Variants in GRIP1 observed in about 807,000 individuals in gnomAD.
GRIP1 encodes glutamate receptor-interacting protein 1.
GRIP1 carries 45 observed loss-of-function variants against 129.9 expected under a neutral mutation model. The ratio of observed to expected loss-of-function variants is 0.35; its 90% CI spans 0.27 to 0.44. GRIP1 has a LOEUF of 0.44. Ranked by LOEUF, GRIP1 falls within the 20% of genes least tolerant of loss-of-function variation. The pLI, the probability that GRIP1 is intolerant of heterozygous loss-of-function variation, is 1.00. For synonymous variants in GRIP1, 530 were observed against 520.8 expected, an observed-to-expected ratio of 1.02 and a Z score of -0.24; for missense variants, 1,196 against 1,396.8, an observed-to-expected ratio of 0.86 and a Z score of 2.29.
chr12:66,880,711 C>T (rs2040463315), intron 1 of GRIP1, among the ~76,000 whole-genome samples: 1 of 152,096 alleles, frequency 6.6e-6, no homozygotes, highest in Admixed American at 6.6e-5. Context: ...ATAGTGGGAA[C>T]ATGACATGAT....
intron 11 of GRIP1, among the ~76,000 whole-genome samples, chr12:66,451,003 C>T (rs575535852): frequency 2.0e-5 from 3 of 152,248 alleles, no homozygotes; most frequent in East Asian, 1.9e-4. Context: ...GGTATTCAGT[C>T]GTCATTGCTG....
intron 1 of GRIP1, among the ~76,000 whole-genome samples, chr12:66,971,835 C>T (rs115167469): frequency 6.5e-4 from 99 of 152,252 alleles, no homozygotes; most frequent in African/African-American, 2.2e-3. Context: ...AGAAATGTCA[C>T]TTTGATAAAG....
chr12:66,679,221 G>A (rs1323926454), upstream of GRIP1: 1 of 1,006,958 alleles, frequency 9.9e-7, no homozygotes, highest in Non-Finnish European at 1.3e-6. Context: ...CACTGTGTGA[G>A]GAGCCATTCC....
intron 1 of GRIP1, among the ~76,000 whole-genome samples, chr12:67,021,066 C>A (rs2042860208): frequency 6.6e-6 from 1 of 151,950 alleles, no homozygotes; most frequent in African/African-American, 2.4e-5. Flanking sequence ...CCACTGCACT[C>A]CAGTCTGGAT....
At chr12:66,873,100 G>A (rs1377603875) in intron 1 of GRIP1, among the ~76,000 whole-genome samples, 1 of 151,958 alleles carries the variant, frequency 6.6e-6, no homozygotes, top group Non-Finnish European at 1.5e-5. Flanking sequence ...ACAATATGGT[G>A]GCCTCAAGGC....
At chr12:66,955,163 C>T (rs548448595) in intron 1 of GRIP1, among the ~76,000 whole-genome samples, 1 of 152,172 alleles carries the variant, frequency 6.6e-6, no homozygotes, top group East Asian at 1.9e-4. Flanking sequence ...TATTGTTTCA[C>T]CTATGAGGAT....
chr12:66,620,499 T>G (rs897533941), intron 1 of GRIP1, among the ~76,000 whole-genome samples: 2 of 152,100 alleles, frequency 1.3e-5, no homozygotes, highest in African/African-American at 4.8e-5. Context: ...CACTCTCACC[T>G]TCTGGACATT....
At chr12:67,016,947 T>C (rs1220014523) in intron 1 of GRIP1, among the ~76,000 whole-genome samples, 1 of 152,180 alleles carries the variant, frequency 6.6e-6, no homozygotes, top group Admixed American at 6.6e-5. Context: ...AGTGGAGCTA[T>C]TCAATTCTAT....
chr12:66,677,210 CTCCTT>C (rs1344647596), intron 1 of GRIP1, among the ~76,000 whole-genome samples: 1 of 152,158 alleles, frequency 6.6e-6, no homozygotes, highest in African/African-American at 2.4e-5. Flanking sequence ...ACACTTAAAT[CTCCTT>C]TCAATGCAGG....
At chr12:66,818,360 C>A (rs1447640630) in intron 1 of GRIP1, among the ~76,000 whole-genome samples, 3 of 152,176 alleles carry the variant, frequency 2.0e-5, no homozygotes, top group Non-Finnish European at 4.4e-5. Flanking sequence ...CCAATTTTCA[C>A]TTAAAAGCTT....
chr12:66,666,105 CTTATA>C (rs944251054), intron 1 of GRIP1, among the ~76,000 whole-genome samples: 3 of 152,204 alleles, frequency 2.0e-5, no homozygotes, highest in African/African-American at 7.2e-5. Context: ...ACTGTAAAAA[CTTATA>C]TTAATAACAT....
chr12:67,056,505 C>T (rs1249096982), intron 1 of GRIP1, among the ~76,000 whole-genome samples: 5 of 137,672 alleles, frequency 3.6e-5, no homozygotes, highest in African/African-American at 1.2e-4. Context: ...AACAAGTGTT[C>T]CAGCTAGCAA....
intron 9 of GRIP1, among the ~76,000 whole-genome samples, chr12:66,461,386 T>C (rs1592365152): frequency 6.6e-6 from 1 of 152,210 alleles, no homozygotes; most frequent in African/African-American, 2.4e-5. Context: ...AATCCAATGA[T>C]GACTGCCGAT....
chr12:66,521,765 T>C (rs2061012789), intron 5 of GRIP1, among the ~76,000 whole-genome samples: 1 of 152,012 alleles, frequency 6.6e-6, no homozygotes, highest in South Asian at 2.1e-4. Flanking sequence ...AAGAAAGGGG[T>C]GACAGACGGC....
At chr12:66,358,006 G>A (rs1310511037) in intron 23 of GRIP1, among the ~76,000 whole-genome samples, 1 of 152,042 alleles carries the variant, frequency 6.6e-6, no homozygotes, top group Non-Finnish European at 1.5e-5. Flanking sequence ...CAATTCTCGT[G>A]CCTCGGCCTC....
At chr12:67,003,772 T>C (rs1265600666) in intron 1 of GRIP1, among the ~76,000 whole-genome samples, 2 of 138,476 alleles carry the variant, frequency 1.4e-5, no homozygotes, top group African/African-American at 6.2e-5. Flanking sequence ...CTTTCTCCTA[T>C]CTATTTTTAA....
intron 1 of GRIP1, among the ~76,000 whole-genome samples, chr12:66,770,020 G>A (rs2037767503): frequency 6.6e-6 from 1 of 152,172 alleles, no homozygotes; most frequent in South Asian, 2.1e-4. Context: ...CCAGGTTGTA[G>A]CCTTGGAGGA....
chr12:66,729,723 G>A lies in GRIP1; in HGVS notation c.-420+74330C>T, dbSNP rs191403210. 1.6e-4 allele frequency among the ~76,000 whole-genome samples: 24 copies of A among 152,156 alleles called. 1 individual carries two copies. In the South Asian group the frequency reaches 2.1e-3, roughly 13 times the overall value. On this transcript the variant is annotated intron_variant, in intron 1 of 4. Transcript: ENST00000538373. ...CCAGTAGCTGGGACCTCAGGTGCCC[G>A]CCACCACGCCCAGCTAATTTTTTGT...
At chr12:66,437,437 GC>G (rs2058344208) in intron 13 of GRIP1, among the ~76,000 whole-genome samples, 1 of 152,132 alleles carries the variant, frequency 6.6e-6, no homozygotes, top group Admixed American at 6.5e-5. Context: ...TGGGAACATA[GC>G]TTTTCTTGCC....
Sources: gnomAD v4.1 joint callset for allele counts (sites outside exome capture counted in the v4.1 genomes callset) on GRCh38, gnomAD v4.1.1 for gene constraint, MANE v1.5 for transcripts, NCBI Gene and HGNC (gene_info 2026-07-23, HGNC 2026-07-21) for gene names.